The following HERC3 variants were observed in gnomAD, a reference collection of about 807,000 sequenced individuals.
HERC3 encodes HECT and RLD domain containing E3 ubiquitin protein ligase 3.
Under a neutral mutation model 129.9 loss-of-function variants are expected in HERC3, and 58 were observed. The ratio of observed to expected loss-of-function variants is 0.45; its 90% confidence interval spans 0.36 to 0.56. The LOEUF (loss-of-function observed/expected upper bound fraction) is 0.56. HERC3 is among the 20% of genes least tolerant of loss of function. The pLI, the probability that HERC3 is intolerant of heterozygous loss-of-function variation, is 0.00. For synonymous variants in HERC3, 430 were observed against 451.0 expected, an observed-to-expected ratio of 0.95 and a Z score of 0.59; for missense variants, 835 against 1,244.2, an observed-to-expected ratio of 0.67 and a Z score of 4.95.
At chr4:88,565,569 G>A in the HERC3 span, among the ~76,000 whole-genome samples, 15 of 151,726 alleles carry the variant, frequency 9.9e-5, no homozygotes, top group Admixed American at 3.9e-4. Flanking sequence ...TTTTGGTTTC[G>A]CATGGAATAT....
intron 16 of HERC3, among the ~76,000 whole-genome samples, chr4:88,672,481 A>G (rs1457805095): frequency 6.6e-6 from 1 of 152,146 alleles, no homozygotes; most frequent in Non-Finnish European, 1.5e-5. Flanking sequence ...AAATGTCTTG[A>G]TATTTTGAAG....
At chr4:88,656,122 G>A in intron 9 of HERC3, 87 bp downstream of exon 9, 1 of 1,335,202 alleles carries the variant, frequency 7.5e-7, no homozygotes. Context: ...CTTACTTTGA[G>A]GTCTTTTGGA....
the HERC3 span, among the ~76,000 whole-genome samples, chr4:88,580,351 C>T: frequency 7.2e-5 from 11 of 151,888 alleles, no homozygotes; most frequent in Non-Finnish European, 1.2e-4. Flanking sequence ...AGGATGAAAC[C>T]CTGTTTCTAC....
At chr4:88,608,790 A>G (rs1473409369) in intron 3 of HERC3, among the ~76,000 whole-genome samples, 1 of 152,176 alleles carries the variant, frequency 6.6e-6, no homozygotes, top group Admixed American at 6.5e-5. Flanking sequence ...TTGGAGGGTC[A>G]TGGCCCAACA....
chr4:88,656,097 A>G, intron 9 of HERC3, 62 bp downstream of exon 9: 1 of 1,511,600 alleles, frequency 6.6e-7, no homozygotes, highest in Non-Finnish European at 9.1e-7. Context: ...TTGTTTACAG[A>G]ATATGTATCT....
At chr4:88,585,518 CTT>C in the HERC3 span, among the ~76,000 whole-genome samples, 9,328 of 122,702 alleles carry the variant, frequency 0.076, 370 homozygotes, top group Middle Eastern at 0.15. Flanking sequence ...TGATACTTTG[CTT>C]TTTTTTTTTT....
chr4:88,653,111 T>C, intron 6 of HERC3, 21 bp downstream of exon 6: 1 of 1,607,936 alleles, frequency 6.2e-7, no homozygotes, highest in East Asian at 2.2e-5. Context: ...CCTTCATATG[T>C]ATGTATTTAG....
At chr4:88,575,440 G>T in the HERC3 span, among the ~76,000 whole-genome samples, 1 of 152,288 alleles carries the variant, frequency 6.6e-6, no homozygotes, top group East Asian at 1.9e-4. Context: ...GATGTCACTT[G>T]CTCTCTTTTG....
At chr4:88,691,170 A>G (rs1360687814) in intron 23 of HERC3, among the ~76,000 whole-genome samples, 1 of 152,194 alleles carries the variant, frequency 6.6e-6, no homozygotes, top group Non-Finnish European at 1.5e-5. Context: ...TTTTGATTGC[A>G]TTTTACTGTG....
intron 3 of HERC3, among the ~76,000 whole-genome samples, chr4:88,630,792 C>T (rs1236474079): frequency 6.6e-6 from 1 of 152,192 alleles, no homozygotes; most frequent in African/African-American, 2.4e-5. Flanking sequence ...TGTCAGAACC[C>T]ATAGGTGGTT....
chr4:88,670,334 T>C, intron 16 of HERC3, 82 bp downstream of exon 16: 2 of 910,532 alleles, frequency 2.2e-6, no homozygotes, highest in South Asian at 3.1e-5. Context: ...TGTCTTTGAC[T>C]TTGATGTCAG....
chr4:88,620,217 T>TGCATC (rs1385781114), intron 3 of HERC3, among the ~76,000 whole-genome samples: 1 of 152,214 alleles, frequency 6.6e-6, no homozygotes, highest in Non-Finnish European at 1.5e-5. Flanking sequence ...AAGATAAAGT[T>TGCATC]TTAAGTAGCA....
intron 11 of HERC3, 139 bp from the exon 12 acceptor site, chr4:88,664,014 A>G: frequency 1.7e-6 from 1 of 590,304 alleles, no homozygotes; most frequent in Admixed American, 3.4e-5. Flanking sequence ...AAGCAAATGT[A>G]CATTTTCCAA....
the HERC3 span, among the ~76,000 whole-genome samples, chr4:88,555,176 G>A: frequency 2.8e-3 from 432 of 151,854 alleles, no homozygotes; most frequent in African/African-American, 9.7e-3. Flanking sequence ...CCAGCTACTC[G>A]GGAGGTTGAG....
chr4:88,655,450 AG>A (rs1230879856), intron 8 of HERC3, 146 bp downstream of exon 8: 1 of 918,212 alleles, frequency 1.1e-6, no homozygotes, highest in African/African-American at 1.7e-5. Flanking sequence ...ATGTGGAGAA[AG>A]ACCTTGATAG....
At chr4:88,631,322 G>T (rs949120746) in intron 3 of HERC3, among the ~76,000 whole-genome samples, 5 of 152,168 alleles carry the variant, frequency 3.3e-5, no homozygotes, top group African/African-American at 4.8e-5. Context: ...AGGCGTTGTG[G>T]TGTGTGCCTG....
At chr4:88,678,785 C>T (rs1289767018) in intron 19 of HERC3, among the ~76,000 whole-genome samples, 1 of 152,198 alleles carries the variant, frequency 6.6e-6, no homozygotes, top group African/African-American at 2.4e-5. Flanking sequence ...ATGTAATAGG[C>T]ATGAAATGAA....
intron 3 of HERC3, 151 bp downstream of exon 3, chr4:88,606,200 C>T: frequency 1.8e-6 from 1 of 564,722 alleles, no homozygotes; most frequent in Non-Finnish European, 3.1e-6. Flanking sequence ...TGTTTGGAAC[C>T]CTTGTGTCTA....
Position 88,658,402 on chromosome 4 carries a change from T to TC in HERC3, c.1070-13_1070-12insC. The TC allele has an allele frequency of 6.5e-7, 1 of 1,535,190 alleles. No individual in the cohort carries two copies. On this transcript the variant is annotated splice_polypyrimidine_tract_variant and intron_variant, in intron 9 of 25. Transcript: ENST00000402738. ...TAATGAAAAATATGCTTTCGGAATT[T>TC]TTTTTTTGACAGATCGCTTTAAATA...
Sources: allele counts gnomAD v4.1 joint callset (sites outside exome capture counted in the v4.1 genomes callset), GRCh38; gene constraint gnomAD v4.1.1; transcripts MANE v1.5; gene names NCBI Gene and HGNC (gene_info 2026-07-23, HGNC 2026-07-21).